Variants in UGT1A5 observed in about 807,000 individuals in gnomAD.
UGT1A5 encodes the protein UDP glucuronosyltransferase family 1 member A5.
Under a neutral mutation model 40.3 loss-of-function variants are expected in UGT1A5, and 29 were observed. That is an observed-to-expected ratio of 0.72 (90% confidence interval 0.54 to 0.98). The LOEUF is 0.98. UGT1A5 is among the 50% of genes least tolerant of loss of function. The pLI is 0.00. For synonymous variants in UGT1A5, 257 were observed against 262.5 expected (o/e 0.98, Z 0.20); for missense variants, 678 against 677.9 (o/e 1.00, Z 0.00).
intron 1 of UGT1A5, among the ~76,000 whole-genome samples, chr2:233,754,123 T>C (rs1464588119): frequency 2.6e-5 from 4 of 152,360 alleles, no homozygotes; most frequent in Admixed American, 2.6e-4. Flanking sequence ...CGAGCATTTA[T>C]GTGCAATTAA....
rs776921440 is a variant in UGT1A5, at chr2:233,713,262, C to T, written c.271C>T (p.Arg91Cys). The change falls in exon 1 of 5, where the codon CGC becomes TGC. Residue 91 changes from arginine (R) to cysteine (C), a missense_variant. Arg to Cys is a radical substitution (Grantham distance 180, BLOSUM62 -3). Coordinates refer to ENST00000373414, the MANE Select transcript of UGT1A5 (RefSeq NM_019078.2). ...TTCATGGACCCAGGACGAATTTGAT[C>T]GCCTTTTGCTGGGTCACACTCAATC... is the stretch of plus-strand genomic sequence containing the variant. Reference protein sequence around the residue: ...AISWTQDEFDRLLLGHTQSFF... With the variant: ...AISWTQDEFDCLLLGHTQSFF... 26 of 1,614,198 alleles carry T rather than the reference C, an allele frequency of 1.6e-5. No homozygotes were observed. The highest frequency in any genetic ancestry group is 6.7e-5 in the East Asian group (3 of 44,880).
intron 1 of UGT1A5, chr2:233,719,279 C>G (rs371816622): frequency 1.2e-6 from 2 of 1,613,960 alleles, no homozygotes; most frequent in Non-Finnish European, 1.7e-6. Context: ...TAACAGACCC[C>G]GTTAACCTCT....
At chr2:233,750,125 A>G (rs1331571759) in intron 1 of UGT1A5, among the ~76,000 whole-genome samples, 47 of 151,914 alleles carry the variant, frequency 3.1e-4, no homozygotes, top group Admixed American at 3.1e-3. Flanking sequence ...AAGATGTGGG[A>G]AAGTTTGGAA....
intron 1 of UGT1A5, chr2:233,744,008 G>T (rs1692645925): frequency 1.7e-6 from 2 of 1,163,288 alleles, no homozygotes; most frequent in South Asian, 2.8e-5. Flanking sequence ...CGGAGACCTG[G>T]GCCGCCTGGA....
At chr2:233,715,775 A>G (rs2076469158) in intron 1 of UGT1A5, among the ~76,000 whole-genome samples, 1 of 152,186 alleles carries the variant, frequency 6.6e-6, no homozygotes, top group South Asian at 2.1e-4. Flanking sequence ...CCATCTCAAA[A>G]AAATAAAAAT....
chr2:233,747,040 A>T (rs1268606849), intron 1 of UGT1A5, among the ~76,000 whole-genome samples: 1 of 151,966 alleles, frequency 6.6e-6, no homozygotes, highest in Admixed American at 6.5e-5. Context: ...GGGACCCATA[A>T]TGAAAGACAA....
At chr2:233,755,301 G>A in intron 1 of UGT1A5, 2 of 599,966 alleles carry the variant, frequency 3.3e-6, no homozygotes, top group Non-Finnish European at 5.2e-6. Context: ...CGGGGCACTG[G>A]CACAGCGAGC....
chr2:233,718,946 C>T (rs1373518014), intron 1 of UGT1A5: 1 of 1,614,072 alleles, frequency 6.2e-7, no homozygotes, highest in African/African-American at 1.3e-5. Context: ...GCCCCTGGCT[C>T]AGCATGCGGG....
In UGT1A5 at chr2:233,772,281, C is replaced by T. The variant is rs143033456; in HGVS notation, c.1327C>T (p.Arg443Cys). ...NDKSYKENIM[R>C]LSSLHKDRPV... is the part of the protein sequence containing the mutation. ...GTTTAGTTACAAGGAGAACATCATG[C>T]GCCTCTCCAGCCTTCACAAGGACCG... The change falls in exon 5 of 5, where the codon CGC becomes TGC. Residue 443 changes from arginine to cysteine, a missense_variant. Physicochemically the swap from Arg to Cys is radical, Grantham distance 180. Coordinates refer to ENST00000373414, the MANE Select transcript of UGT1A5 (RefSeq NM_019078.2). 1.3e-4 allele frequency: 210 copies of T among 1,614,084 alleles called. 1 individual carries two copies. Among genetic ancestry groups the T allele is most frequent in the Non-Finnish European group, 1.7e-4 (200 of 1,180,048 alleles).
chr2:233,752,759 A>G (rs942722882), intron 1 of UGT1A5, among the ~76,000 whole-genome samples: 3 of 152,242 alleles, frequency 2.0e-5, no homozygotes, highest in African/African-American at 7.2e-5. Context: ...ACAAACAAAC[A>G]AACAAACAAA....
rs746932812 is a variant in UGT1A5 at position 233,713,124 on chromosome 2, C to A, written c.133C>A (p.Arg45=). The change falls in exon 1 of 5, where the codon CGG becomes AGG. Residue 45 remains arginine (R), a synonymous_variant. Coordinates refer to ENST00000373414, the MANE Select transcript of UGT1A5 (RefSeq NM_019078.2). Reference sequence around the variant, plus strand: ...TGATGGCAGCCACTGGCTCAGCATGCGGGAGGCCTTGCGGGACCTCCATGC... The same window carrying A: ...TGATGGCAGCCACTGGCTCAGCATGAGGGAGGCCTTGCGGGACCTCCATGC... ...PTDGSHWLSM[R]EALRDLHARG... 6.2e-7 allele frequency: 1 copy of A among 1,614,184 alleles called. No individual in the cohort carries two copies. The highest frequency in any genetic ancestry group is 1.1e-5 in the South Asian group (1 of 91,076).
Position 233,760,303 on chromosome 2 carries a change from C to T in UGT1A5, c.868-6731C>T, listed in dbSNP as rs2125982207. ...CAAAGGCGCCATGGCTGTGGAGTCC[C>T]AGGGCGGACGCCCACTTGTCCTGGG... On this transcript the variant is annotated intron_variant, in intron 1 of 4. Coordinates refer to ENST00000373414, the MANE Select transcript of UGT1A5 (RefSeq NM_019078.2). 2 of 1,613,696 alleles carry T rather than the reference C, an allele frequency of 1.2e-6. No individual in the cohort carries two copies. Among genetic ancestry groups the T allele is most frequent in the South Asian group, 1.1e-5 (1 of 91,060 alleles).
At position 233,769,746 on chromosome 2, in the gene UGT1A5, T is replaced by A; in HGVS notation, c.1307+1307T>A. On this transcript the variant is annotated intron_variant, in intron 4 of 4. Transcript: ENST00000373414. This position sits in a 1 kb window ranked among gnomAD's most constrained non-coding sequence, Gnocchi z 4.4. ...GGCACACGCCTGTAGTCCCAGCCAC[T>A]CTGGAGGCTAAGGCGGGAGGATTGC... 3 of 1,441,832 alleles carry A rather than the reference T, an allele frequency of 2.1e-6. No individual in the cohort carries two copies. Among genetic ancestry groups the A allele is most frequent in the Non-Finnish European group, 2.7e-6 (3 of 1,095,648 alleles). The allele number at this position is 1,441,832 out of a possible 1,614,324, so 89.3% of individuals were successfully genotyped here. A position where few individuals can be genotyped will look rare whatever the true frequency, so the allele number is the denominator to read the frequency against.
In UGT1A5 at chr2:233,713,794, C is replaced by T. The variant is rs772145580; in HGVS notation, c.803C>T (p.Pro268Leu). ...RGDFVMDYPR[P>L]IMPNMVFIGG... ...GACTTTGTGATGGATTACCCCAGGC[C>T]GATCATGCCCAACATGGTCTTCATT... The change falls in exon 1 of 5, where the codon CCG (proline) becomes CTG (leucine). Residue 268 changes from proline (P) to leucine (L), a missense_variant. Physicochemically the swap from Pro to Leu is moderately conservative, Grantham distance 98 (BLOSUM62 -3). Coordinates refer to ENST00000373414, the MANE Select transcript of UGT1A5 (RefSeq NM_019078.2). 7.4e-6 allele frequency: 12 copies of T among 1,613,912 alleles called. No individual in the cohort carries two copies. The highest frequency in any genetic ancestry group is 2.2e-5 in the East Asian group (1 of 44,888).
intron 1 of UGT1A5, chr2:233,754,831 A>G (rs1459496565): frequency 1.5e-6 from 2 of 1,342,814 alleles, no homozygotes; most frequent in Non-Finnish European, 2.0e-6. Flanking sequence ...AAAGCTGGAA[A>G]TTCACTGAAG....
intron 1 of UGT1A5, among the ~76,000 whole-genome samples, chr2:233,764,258 T>C (rs1698520087): frequency 1.3e-5 from 2 of 152,152 alleles, no homozygotes; most frequent in Non-Finnish European, 2.9e-5. Context: ...AGTTAATATG[T>C]TGCTTCACTC....
At chr2:233,744,781 G>A (rs1479146007) in intron 1 of UGT1A5, among the ~76,000 whole-genome samples, 1 of 151,856 alleles carries the variant, frequency 6.6e-6, no homozygotes, top group Non-Finnish European at 1.5e-5. Context: ...AAATTCTCCT[G>A]AAAAATTCTT....
At position 233,719,647 on chromosome 2, in the gene UGT1A5, T is replaced by C. The variant is rs201461954; in HGVS notation, c.867+5789T>C. 6.3e-5 allele frequency: 101 copies of C among 1,614,092 alleles called. No homozygotes were observed. Among genetic ancestry groups the C allele is most frequent in the East Asian group, 2.9e-4 (13 of 44,880 alleles). On this transcript the variant is annotated intron_variant, in intron 1 of 4. Coordinates refer to ENST00000373414, the MANE Select transcript of UGT1A5 (RefSeq NM_019078.2). ...CCGATCATGCCCAACATGGTCTTCATTGGGGGCATCAACTGTGCCAACGGG... is the reference window on the plus strand; with the variant it reads ...CCGATCATGCCCAACATGGTCTTCACTGGGGGCATCAACTGTGCCAACGGG...
intron 1 of UGT1A5, chr2:233,729,826 C>T (rs1653998510): frequency 6.2e-7 from 1 of 1,613,940 alleles, no homozygotes; most frequent in Non-Finnish European, 8.5e-7. Flanking sequence ...TTATGCAAGC[C>T]TTGCCTCTGA....
Sources: allele counts gnomAD v4.1 joint callset (sites outside exome capture counted in the v4.1 genomes callset), GRCh38; gene constraint gnomAD v4.1.1; non-coding constraint Gnocchi (gnomAD v3.1); transcripts MANE v1.5; gene names NCBI Gene and HGNC (gene_info 2026-07-23, HGNC 2026-07-21).